CCDC88A: variants seen among roughly 807,000 people sequenced by gnomAD.
CCDC88A encodes the protein girdin.
In CCDC88A, 54 loss-of-function variants were observed where a neutral mutation model predicts 234.3. That is an observed-to-expected ratio of 0.23 (90% confidence interval 0.19 to 0.29). CCDC88A has a LOEUF of 0.29. Ranked by LOEUF, CCDC88A falls within the 10% of genes least tolerant of loss-of-function variation. The pLI is 1.00. For synonymous variants in CCDC88A, 753 were observed against 737.8 expected (o/e 1.02, Z -0.33); for missense variants, 1,832 against 2,123.4 (o/e 0.86, Z 2.70).
In CCDC88A at chr2:55,317,270, G is replaced by T; in HGVS notation, c.3682C>A (p.Leu1228Ile). 6.5e-7 allele frequency: 1 copy of T among 1,550,236 alleles called. No individual in the cohort carries two copies. Among genetic ancestry groups the T allele is most frequent in the Non-Finnish European group, 8.7e-7 (1 of 1,144,400 alleles). The part of the protein sequence containing the change: ...MLKVEQEKML[L>I]ENKNHETVAA... The stretch of plus-strand genomic sequence containing the variant: ...ACTGTTTCATGATTTTTATTTTCAA[G>T]CAGCATTTTTTCCTGTTCTACTTTG... Residue 1228 changes from leucine (L) to isoleucine (I), a missense_variant, in exon 21 of 33, where the codon CTT (leucine) becomes ATT (isoleucine). This residue lies in a region of CCDC88A where 1,282 missense variants were observed against 1,543.6 expected (regional missense o/e 0.83). Transcript: ENST00000436346. This position sits in a 1 kb window ranked among gnomAD's most constrained non-coding sequence, Gnocchi z 4.2.
rs1669619657 is a variant in CCDC88A at position 55,349,682 on chromosome 2, T to C, written c.801-83A>G. On this transcript the variant is annotated intron_variant, in intron 8 of 32. Transcript: ENST00000436346. ...CTGCGTTAATATAAATGTATCATCA[T>C]CACTAAATAACTAGTTGGACATAGT... 7.9e-6 allele frequency: 7 copies of C among 883,936 alleles called. No individual in the cohort carries two copies. In the Admixed American group the frequency reaches 1.5e-4, roughly 19 times the overall value. 54.8% of individuals were successfully genotyped at this position (883,936 alleles called of 1,614,324 possible). A position where few individuals can be genotyped will look rare whatever the true frequency, so the allele number is the denominator to read the frequency against.
rs1039057208 is a variant in CCDC88A, at chr2:55,288,911, T to A, written c.*2289A>T. On this transcript the variant is annotated 3_prime_UTR_variant, in exon 33 of 33. Transcript: ENST00000436346. ...CCTACAAAGTTTGCTTCTCAAGGTA[T>A]ACTGGAGAAAGTAAAATATTCATGT... The A allele has an allele frequency of 1.3e-5, 2 of 152,224 alleles. No individual in the cohort carries two copies. Among genetic ancestry groups the A allele is most frequent in the Non-Finnish European group, 2.9e-5 (2 of 68,022 alleles). 9.4% of individuals were successfully genotyped at this position (152,224 alleles called of 1,614,324 possible).
At chr2:55,392,854 T>C (rs1332514974) in intron 2 of CCDC88A, among the ~76,000 whole-genome samples, 1 of 152,026 alleles carries the variant, frequency 6.6e-6, no homozygotes, top group Non-Finnish European at 1.5e-5. Flanking sequence ...GAGTCTATTC[T>C]GTCCCACTAA....
At chr2:55,361,966 T>C (rs190149819) in intron 7 of CCDC88A, 1 of 168,544 alleles carries the variant, frequency 5.9e-6, no homozygotes, top group Admixed American at 6.3e-5. Flanking sequence ...CAAATTCTTA[T>C]GCTTCACGGC....
At chr2:55,319,985 T>A (rs2104634070) in intron 18 of CCDC88A, among the ~76,000 whole-genome samples, 1 of 152,200 alleles carries the variant, frequency 6.6e-6, no homozygotes, top group South Asian at 2.1e-4. Flanking sequence ...GGCTTTATGT[T>A]ATATACACTG....
chr2:55,334,400 G>A lies in CCDC88A; in HGVS notation c.2421C>T (p.Ser807=). ...CTTTTTCCAGCTGTTCTAGTCTTTT[G>A]CTAGATATTTTTAGTTCTTCTAGGT... The part of the protein sequence containing the change: ...QKNLEELKIS[S]KRLEQLEKEN... The change falls in exon 15 of 33, where the codon AGC becomes AGT. Residue 807 remains serine, a synonymous_variant. Transcript: ENST00000436346. The surrounding 1 kb of genome is among the most constrained non-coding windows in gnomAD (Gnocchi z 6.1). The A allele has an allele frequency of 6.3e-7, 1 of 1,578,696 alleles. No individual in the cohort carries two copies. The highest frequency in any genetic ancestry group is 8.5e-7 in the Non-Finnish European group (1 of 1,170,468).
Position 55,362,326 on chromosome 2 carries a change from C to G in CCDC88A, c.609G>C (p.Glu203Asp). The G allele has an allele frequency of 6.3e-7, 1 of 1,585,174 alleles. No homozygotes were observed. The highest frequency in any genetic ancestry group is 8.5e-7 in the Non-Finnish European group (1 of 1,169,596). Residue 203 changes from glutamate to aspartate, a missense_variant, in exon 7 of 33, where the codon GAG (glutamate) becomes GAC (aspartate). This residue lies in a region of CCDC88A where 1,282 missense variants were observed against 1,543.6 expected (regional missense o/e 0.83). Transcript: ENST00000436346. The part of the protein sequence containing the change: ...MALHLKRLID[E>D]RDEHSETIIE... Reference sequence around the variant, plus strand: ...TACAAACCTCTGAATGTTCATCTCTCTCATCTATAAGTCTTTTTAGATGCA... The same window carrying G: ...TACAAACCTCTGAATGTTCATCTCTGTCATCTATAAGTCTTTTTAGATGCA...
intron 3 of CCDC88A, among the ~76,000 whole-genome samples, chr2:55,375,509 ATATGTATG>A (rs3060117): frequency 0.16 from 2,381 of 14,992 alleles, 76 homozygotes; most frequent in Admixed American, 0.24. Flanking sequence ...ATATATATAT[ATATGTATG>A]TATGTATAAA....
intron 2 of CCDC88A, chr2:55,394,330 A>G (rs1385117799): frequency 6.6e-6 from 1 of 152,052 alleles, no homozygotes; most frequent in Non-Finnish European, 1.5e-5. Context: ...CCAGTCTATC[A>G]TTGTTGGACA....
At chr2:55,353,627 C>A in intron 8 of CCDC88A, among the ~76,000 whole-genome samples, 1 of 137,886 alleles carries the variant, frequency 7.3e-6, no homozygotes, top group South Asian at 2.3e-4. Context: ...TATTCTGAAG[C>A]TCAAATTCCA....
chr2:55,332,832 T>C lies in CCDC88A; in HGVS notation c.2728-139A>G, dbSNP rs1300853944. 3 of 742,824 alleles carry C rather than the reference T, an allele frequency of 4.0e-6. No homozygotes were observed. The South Asian group carries it at 6.3e-5, about 15-fold the overall frequency. 46.0% of individuals were successfully genotyped at this position (742,824 alleles called of 1,614,324 possible). ...AAATGTCATTAAACCATTCCTTCAT[T>C]ATTAAAATGTAGTTAAAGTTATAAC... On this transcript the variant is annotated intron_variant, in intron 15 of 32. Coordinates refer to ENST00000436346, the MANE Select transcript of CCDC88A (RefSeq NM_001365480.1). This position sits in a 1 kb window ranked among gnomAD's most constrained non-coding sequence, Gnocchi z 4.5.
chr2:55,418,933 G>A lies in CCDC88A; in HGVS notation c.64-17C>T, dbSNP rs1202331606. Reference sequence around the variant, plus strand: ...CGTTTTAACCTAGAACAAACAGAAGGATCACCACGACATGAACGCCCACCT... The same window carrying A: ...CGTTTTAACCTAGAACAAACAGAAGAATCACCACGACATGAACGCCCACCT... On this transcript the variant is annotated splice_polypyrimidine_tract_variant and intron_variant, in intron 1 of 32. Transcript: ENST00000436346. 1 of 1,609,140 alleles carries A rather than the reference G, an allele frequency of 6.2e-7. No homozygotes were observed. Among genetic ancestry groups the A allele is most frequent in the Admixed American group, 1.7e-5 (1 of 60,000 alleles).
rs1460670883 is a variant in CCDC88A, at chr2:55,384,091, T to C, written c.273+4687A>G. On this transcript the variant is annotated intron_variant, in intron 3 of 32. Transcript: ENST00000436346. ...ACACACATGTGTAGTCCCAGCTACTTAGGAGGCTGAGGCGGAAGGATTGCT... is the reference window on the plus strand; with the variant it reads ...ACACACATGTGTAGTCCCAGCTACTCAGGAGGCTGAGGCGGAAGGATTGCT... 2.0e-5 allele frequency among the ~76,000 whole-genome samples: 3 copies of C among 152,036 alleles called. 1 individual carries two copies. The highest frequency in any genetic ancestry group is 1.5e-5 in the Non-Finnish European group (1 of 67,976).
At chr2:55,310,771 A>C (rs1267760587) in intron 23 of CCDC88A, among the ~76,000 whole-genome samples, 1 of 152,142 alleles carries the variant, frequency 6.6e-6, no homozygotes, top group African/African-American at 2.4e-5. Flanking sequence ...TACATTTATT[A>C]TTCACCCAAC....
Position 55,414,442 on chromosome 2 carries a change from G to A in CCDC88A, c.164+4374C>T, listed in dbSNP as rs76889172. Among the ~76,000 whole-genome samples the A allele has an allele frequency of 3.1e-3, 472 of 152,318 alleles. 3 individuals carry two copies. The highest frequency in any genetic ancestry group is 9.2e-3 in the African/African-American group (381 of 41,572). On this transcript the variant is annotated intron_variant, in intron 2 of 32. Coordinates refer to ENST00000436346, the MANE Select transcript of CCDC88A (RefSeq NM_001365480.1). Reference sequence around the variant, plus strand: ...CTGAAGTAGGAAAATGCCCTACAGCGTACAGAAGAGCTGGCCCATCATTCC... The same window carrying A: ...CTGAAGTAGGAAAATGCCCTACAGCATACAGAAGAGCTGGCCCATCATTCC...
intron 5 of CCDC88A, among the ~76,000 whole-genome samples, chr2:55,365,045 T>C (rs193159105): frequency 4.1e-4 from 63 of 152,330 alleles, no homozygotes; most frequent in Middle Eastern, 3.4e-3. Flanking sequence ...TTTATCAAAC[T>C]GTAATGCTAT....
At chr2:55,386,788 A>C (rs72927374) in intron 3 of CCDC88A, among the ~76,000 whole-genome samples, 14,268 of 151,976 alleles carry the variant, frequency 0.094, 1,562 homozygotes, top group African/African-American at 0.27. Context: ...CTCTATTTAA[A>C]AACTAAAACA....
At position 55,388,925 on chromosome 2, in the gene CCDC88A, T is replaced by C; in HGVS notation, c.165-39A>G. ...AAAAATACTTTAAAATTACATAAAA[T>C]ACTACTATCAATCTATATATAATTA... On this transcript the variant is annotated intron_variant, in intron 2 of 32. Coordinates refer to ENST00000436346, the MANE Select transcript of CCDC88A (RefSeq NM_001365480.1). The C allele has an allele frequency of 4.4e-6, 3 of 687,906 alleles. 1 individual carries two copies. The highest frequency in any genetic ancestry group is 2.7e-5 in the Admixed American group (1 of 36,406). 42.6% of individuals were successfully genotyped at this position (687,906 alleles called of 1,614,324 possible).
chr2:55,410,443 A>T (rs4672036), intron 2 of CCDC88A, among the ~76,000 whole-genome samples: 138,460 of 152,290 alleles, frequency 0.91, 63,041 homozygotes, highest in Admixed American at 0.95. Flanking sequence ...TAGAATATAG[A>T]TAATGATTTG....
Sources: allele counts gnomAD v4.1 joint callset (sites outside exome capture counted in the v4.1 genomes callset), GRCh38; gene constraint gnomAD v4.1.1; regional missense constraint gnomAD v4.1.1; non-coding constraint Gnocchi (gnomAD v3.1); transcripts MANE v1.5; gene names NCBI Gene and HGNC (gene_info 2026-07-23, HGNC 2026-07-21).